CDK13: variants seen among roughly 807,000 people sequenced by gnomAD.
CDK13 encodes the protein cyclin dependent kinase 13, also known as cyclin-dependent kinase 13.
Under a neutral mutation model 137.6 loss-of-function variants are expected in CDK13, and 40 were observed. The observed-to-expected ratio is 0.29, with a 90% CI of 0.23 to 0.38. CDK13 has a LOEUF of 0.38. CDK13 is among the 10% of genes least tolerant of loss of function. The pLI is 1.00. For missense variants in CDK13, 1,704 were observed against 1,951.8 expected, an observed-to-expected ratio of 0.87 and a Z score of 2.39; for synonymous variants, 869 against 760.1, an observed-to-expected ratio of 1.14 and a Z score of -2.36.
At chr7:40,070,711 C>CA (rs1416110716) in intron 9 of CDK13, 2 of 151,882 alleles carry the variant, frequency 1.3e-5, no homozygotes, top group Non-Finnish European at 2.9e-5. Flanking sequence ...GACTGTGTCT[C>CA]AAAAAACAAA....
chr7:39,968,128 A>C (rs1783913605), intron 1 of CDK13, among the ~76,000 whole-genome samples: 1 of 152,150 alleles, frequency 6.6e-6, no homozygotes, highest in Admixed American at 6.6e-5. Context: ...ATATATTTTG[A>C]ATATTAATGT....
chr7:40,095,858 T>A lies in CDK13; in HGVS notation c.*878T>A, dbSNP rs898627424. On this transcript the variant is annotated 3_prime_UTR_variant, in exon 14 of 14. Transcript: ENST00000181839. ...TCTCCTTTTCTGCCTGTCTTTGGGCTGTGTTGCCTTTCACTACCACCTTCT... is the reference window on the plus strand; with the variant it reads ...TCTCCTTTTCTGCCTGTCTTTGGGCAGTGTTGCCTTTCACTACCACCTTCT... 2 of 152,240 alleles carry A rather than the reference T, an allele frequency of 1.3e-5. No homozygotes were observed. The highest frequency in any genetic ancestry group is 2.9e-5 in the Non-Finnish European group (2 of 68,058). 9.4% of individuals were successfully genotyped at this position (152,240 alleles called of 1,614,324 possible). A position where few individuals can be genotyped will look rare whatever the true frequency, so the allele number is the denominator to read the frequency against.
chr7:39,956,826 A>G (rs111389920), intron 1 of CDK13, among the ~76,000 whole-genome samples: 5,994 of 152,186 alleles, frequency 0.039, 347 homozygotes, highest in African/African-American at 0.13. Context: ...GCCTCAGACA[A>G]TCCTCCCGCC....
chr7:40,022,716 G>A (rs1785153849), intron 5 of CDK13, among the ~76,000 whole-genome samples: 1 of 150,640 alleles, frequency 6.6e-6, no homozygotes, highest in Non-Finnish European at 1.5e-5. Context: ...GGAATGTCCT[G>A]ATCTACCTCC....
chr7:40,011,600 T>C (rs535310962), intron 5 of CDK13, among the ~76,000 whole-genome samples: 2 of 152,316 alleles, frequency 1.3e-5, no homozygotes, highest in African/African-American at 4.8e-5. Flanking sequence ...AAGAATTAAG[T>C]TGGACCCCTT....
intron 12 of CDK13, among the ~76,000 whole-genome samples, chr7:40,090,994 T>C (rs971519095): frequency 1.3e-5 from 2 of 151,584 alleles, no homozygotes; most frequent in Non-Finnish European, 2.9e-5. Flanking sequence ...ATGGATCACC[T>C]GAGGTCAGGA....
rs17538181 is a variant in CDK13, at chr7:40,077,649, G to A, written c.2781-356G>A. ...GCAGGTGGATCACTTGAGAACAGGGGTTCAAGACCAGCCTGGCCAACATGG... is the reference window on the plus strand; with the variant it reads ...GCAGGTGGATCACTTGAGAACAGGGATTCAAGACCAGCCTGGCCAACATGG... On this transcript the variant is annotated intron_variant, in intron 9 of 13. Transcript: ENST00000181839. 2.8e-3 allele frequency among the ~76,000 whole-genome samples: 424 copies of A among 152,278 alleles called. 2 individuals are homozygous for A. The highest frequency in any genetic ancestry group is 9.7e-3 in the African/African-American group (403 of 41,544).
intron 1 of CDK13, among the ~76,000 whole-genome samples, chr7:39,962,866 T>C (rs957755423): frequency 6.6e-6 from 1 of 152,238 alleles, no homozygotes; most frequent in African/African-American, 2.4e-5. Flanking sequence ...CCCAGCACCA[T>C]TTATTAAATA....
chr7:40,075,629 T>C (rs1293541915), intron 9 of CDK13, among the ~76,000 whole-genome samples: 1 of 152,152 alleles, frequency 6.6e-6, no homozygotes, highest in Admixed American at 6.6e-5. Flanking sequence ...TCCTAAGCAA[T>C]GTAATTTGAC....
chr7:40,008,443 G>A (rs1340237996), intron 5 of CDK13, among the ~76,000 whole-genome samples: 1 of 152,166 alleles, frequency 6.6e-6, no homozygotes, highest in Non-Finnish European at 1.5e-5. Context: ...TCTGGAACCA[G>A]AAGAATCAGC....
At chr7:40,087,467 C>T (rs572327190) in intron 11 of CDK13, among the ~76,000 whole-genome samples, 1 of 150,418 alleles carries the variant, frequency 6.6e-6, no homozygotes, top group African/African-American at 2.5e-5. Context: ...TTTCTGCCTT[C>T]TTTTTCATGT....
intron 1 of CDK13, chr7:39,952,751 G>T (rs575735400): frequency 2.6e-5 from 4 of 152,232 alleles, no homozygotes; most frequent in African/African-American, 7.2e-5. Flanking sequence ...TAAATATCAG[G>T]ATCTTTGTCC....
At chr7:40,039,302 C>T (rs1383498614) in intron 5 of CDK13, among the ~76,000 whole-genome samples, 1 of 151,888 alleles carries the variant, frequency 6.6e-6, no homozygotes, top group Non-Finnish European at 1.5e-5. Flanking sequence ...GCTTTGTTGC[C>T]CAGGCTGGAG....
intron 1 of CDK13, among the ~76,000 whole-genome samples, chr7:39,958,955 G>A (rs1008726022): frequency 6.6e-6 from 1 of 151,684 alleles, no homozygotes; most frequent in African/African-American, 2.4e-5. Flanking sequence ...GGTTTTTTTT[G>A]TTGTTTTGTA....
chr7:40,059,515 C>T (rs375354486), intron 7 of CDK13, among the ~76,000 whole-genome samples: 5 of 152,276 alleles, frequency 3.3e-5, no homozygotes, highest in African/African-American at 4.8e-5. Context: ...CATGCCACCA[C>T]GCCTGGCTAA....
At chr7:40,031,063 A>T in intron 5 of CDK13, among the ~76,000 whole-genome samples, 1 of 152,252 alleles carries the variant, frequency 6.6e-6, no homozygotes, top group East Asian at 1.9e-4. Flanking sequence ...CCTTTTAAGA[A>T]ACTGCCAAAC....
At chr7:39,970,901 C>T (rs1783983505) in intron 1 of CDK13, among the ~76,000 whole-genome samples, 1 of 152,162 alleles carries the variant, frequency 6.6e-6, no homozygotes, top group African/African-American at 2.4e-5. Context: ...TCCAACTTTC[C>T]ATGTAGTATC....
At chr7:39,978,487 G>C (rs954200061) in intron 1 of CDK13, among the ~76,000 whole-genome samples, 8 of 152,208 alleles carry the variant, frequency 5.3e-5, no homozygotes, top group African/African-American at 1.9e-4. Flanking sequence ...TGGAAGGACA[G>C]ATAAAGATAA....
chr7:40,000,584 G>A (rs1784661724), intron 4 of CDK13, among the ~76,000 whole-genome samples: 1 of 152,126 alleles, frequency 6.6e-6, no homozygotes, highest in Non-Finnish European at 1.5e-5. Flanking sequence ...AGCTATTAGA[G>A]GCCATATAGT....
Sources: allele counts gnomAD v4.1 joint callset (sites outside exome capture counted in the v4.1 genomes callset), GRCh38; gene constraint gnomAD v4.1.1; transcripts MANE v1.5; gene names NCBI Gene and HGNC (gene_info 2026-07-23, HGNC 2026-07-21).